Variants in RALB observed in about 807,000 individuals in gnomAD.
RALB encodes ras-related protein Ral-B.
In RALB, 16 loss-of-function variants were observed where a neutral mutation model predicts 21.3. The observed-to-expected ratio is 0.75, with a 90% CI of 0.51 to 1.14. The LOEUF is 1.14. RALB is among the 50% of genes most tolerant of loss of function. The pLI is 0.00. For synonymous variants in RALB, 93 were observed against 96.1 expected, an observed-to-expected ratio of 0.97 and a Z score of 0.19; for missense variants, 161 against 256.2, an observed-to-expected ratio of 0.63 and a Z score of 2.54.
At chr2:120,246,958 G>A (rs972799423) in intron 1 of RALB, among the ~76,000 whole-genome samples, 1 of 152,228 alleles carries the variant, frequency 6.6e-6, no homozygotes, top group South Asian at 2.1e-4. Flanking sequence ...TTCCTGGTAG[G>A]CTGCAAATCA....
intron 1 of RALB, among the ~76,000 whole-genome samples, chr2:120,247,185 C>G (rs907661432): frequency 6.6e-6 from 1 of 152,130 alleles, no homozygotes; most frequent in Non-Finnish European, 1.5e-5. Flanking sequence ...AGAGGACATG[C>G]AGTGGGGATG....
intron 1 of RALB, among the ~76,000 whole-genome samples, chr2:120,269,650 T>A (rs939114355): frequency 6.6e-6 from 1 of 152,172 alleles, no homozygotes; most frequent in Non-Finnish European, 1.5e-5. Flanking sequence ...CATTTTACAA[T>A]CCTCTTGTAA....
At chr2:120,286,133 C>A in intron 3 of RALB, 51 bp downstream of exon 3, 1 of 1,514,126 alleles carries the variant, frequency 6.6e-7, no homozygotes, top group South Asian at 1.1e-5. Flanking sequence ...TTTGCCTTTT[C>A]TCATATGTCT....
chr2:120,281,954 TG>T (rs1690000421), intron 2 of RALB, among the ~76,000 whole-genome samples: 1 of 152,022 alleles, frequency 6.6e-6, no homozygotes, highest in South Asian at 2.1e-4. Context: ...CATCACAGCT[TG>T]GGGGAAGATG....
intron 2 of RALB, among the ~76,000 whole-genome samples, chr2:120,283,434 C>T (rs915255090): frequency 1.3e-5 from 2 of 152,304 alleles, no homozygotes; most frequent in East Asian, 1.9e-4. Flanking sequence ...GTTCATAGTG[C>T]ATGCTTAACC....
chr2:120,289,762 G>C lies in RALB; in HGVS notation c.501+5G>C, dbSNP rs373055897. On this transcript the variant is annotated splice_donor_5th_base_variant and intron_variant, in intron 4 of 4. Coordinates refer to ENST00000272519, the MANE Select transcript of RALB (RefSeq NM_002881.3). ...ACCCGGGCCAACGTGGACAAGGTAG[G>C]CGTGAATTCTGTGTATTTCTCAGAA... 1.9e-6 allele frequency: 3 copies of C among 1,592,438 alleles called. No homozygotes were observed. Among genetic ancestry groups the C allele is most frequent in the Admixed American group, 1.8e-5 (1 of 56,454 alleles).
At chr2:120,245,003 C>G (rs1688948112) in intron 1 of RALB, among the ~76,000 whole-genome samples, 1 of 152,246 alleles carries the variant, frequency 6.6e-6, no homozygotes, top group African/African-American at 2.4e-5. Flanking sequence ...TTCTCTGTCT[C>G]TTTCGTCAGC....
At position 120,293,434 on chromosome 2, in the gene RALB, G is replaced by C. The variant is rs1210891237; in HGVS notation, c.*174G>C. On this transcript the variant is annotated 3_prime_UTR_variant, in exon 5 of 5. Transcript: ENST00000272519. The stretch of plus-strand genomic sequence containing the variant: ...ACTCTGTGGCTGGCAGAAGAAATAA[G>C]CCCATGCAAGTGGAAGGGCTGCTTT... 1.1e-5 allele frequency: 6 copies of C among 558,498 alleles called. No individual in the cohort carries two copies. The highest frequency in any genetic ancestry group is 1.6e-5 in the Non-Finnish European group (6 of 369,546). 34.6% of individuals were successfully genotyped at this position (558,498 alleles called of 1,614,324 possible).
chr2:120,286,614 C>T lies in RALB; in HGVS notation c.323+532C>T, dbSNP rs1323301347. Among the ~76,000 whole-genome samples the T allele has an allele frequency of 2.0e-5, 3 of 152,286 alleles. No homozygotes were observed. In the East Asian group the frequency reaches 5.8e-4, roughly 29 times the overall value. On this transcript the variant is annotated intron_variant, in intron 3 of 4. Coordinates refer to ENST00000272519, the MANE Select transcript of RALB (RefSeq NM_002881.3). ...GACCTGGTTTGAATCCCTGCCTTGCCGCTCACTGACCATGGGCAAGTTTAC... is the reference window on the plus strand; with the variant it reads ...GACCTGGTTTGAATCCCTGCCTTGCTGCTCACTGACCATGGGCAAGTTTAC...
chr2:120,245,754 C>T (rs2104567248), intron 1 of RALB, among the ~76,000 whole-genome samples: 1 of 152,304 alleles, frequency 6.6e-6, no homozygotes, highest in Non-Finnish European at 1.5e-5. Flanking sequence ...AGCCCTGAGC[C>T]CCTGCCTCTG....
At chr2:120,287,867 A>G (rs183675464) in intron 3 of RALB, among the ~76,000 whole-genome samples, 1 of 152,378 alleles carries the variant, frequency 6.6e-6, no homozygotes, top group African/African-American at 2.4e-5. Flanking sequence ...GAACAGAAGA[A>G]TGCAGGTCAA....
intron 2 of RALB, chr2:120,280,831 A>C: frequency 2.3e-6 from 1 of 432,914 alleles, no homozygotes; most frequent in Non-Finnish European, 4.5e-6. Flanking sequence ...TTTATTCTCT[A>C]TAGGAATGTT....
chr2:120,289,716 T>C lies in RALB; in HGVS notation c.460T>C (p.Tyr154His). ...TAAAGCCGAAGAGTGGGGCGTGCAG[T>C]ACGTGGAGACGTCAGCGAAGACCCG... ...RSKAEEWGVQ[Y>H]VETSAKTRAN... The change falls in exon 4 of 5, where the codon TAC (tyrosine) becomes CAC (histidine). Residue 154 changes from tyrosine to histidine, a missense_variant. Tyr to His is a moderately conservative substitution (Grantham distance 83). Coordinates refer to ENST00000272519, the MANE Select transcript of RALB (RefSeq NM_002881.3). 6.2e-7 allele frequency: 1 copy of C among 1,613,572 alleles called. No individual in the cohort carries two copies. The highest frequency in any genetic ancestry group is 8.5e-7 in the Non-Finnish European group (1 of 1,179,770).
intron 2 of RALB, among the ~76,000 whole-genome samples, chr2:120,279,985 C>T (rs763952599): frequency 1.3e-4 from 20 of 152,072 alleles, no homozygotes; most frequent in Non-Finnish European, 2.8e-4. Context: ...CGGCATGTGG[C>T]GATTATCGCT....
chr2:120,289,490 TAGGAAAGC>T, intron 3 of RALB, 82 bp from the exon 4 acceptor site: 1 of 1,361,310 alleles, frequency 7.3e-7, no homozygotes, highest in Non-Finnish European at 1.0e-6. Context: ...CCTTCTGCCT[TAGGAAAGC>T]CTTTTATTTT....
chr2:120,278,718 C>A lies in RALB; in HGVS notation c.54C>A (p.Ile18=). 6.3e-7 allele frequency: 1 copy of A among 1,595,688 alleles called. No homozygotes were observed. The highest frequency in any genetic ancestry group is 8.5e-7 in the Non-Finnish European group (1 of 1,170,234). Residue 18 remains isoleucine, a synonymous_variant, in exon 2 of 5, where the codon ATC becomes ATA. Coordinates refer to ENST00000272519, the MANE Select transcript of RALB (RefSeq NM_002881.3). ...GQSSLALHKV[I]MVGSGGVGKS... ...GCTCCTTGGCCCTCCACAAGGTGAT[C>A]ATGGTTGGCAGCGGAGGCGTTGGCA...
chr2:120,253,231 C>T (rs1422248366), intron 1 of RALB: 2 of 382,544 alleles, frequency 5.2e-6, no homozygotes, highest in Non-Finnish European at 7.2e-6. Flanking sequence ...CGGCCTCCGC[C>T]TCTCCCTTGT....
At chr2:120,282,873 C>T (rs993504207) in intron 2 of RALB, among the ~76,000 whole-genome samples, 1 of 152,092 alleles carries the variant, frequency 6.6e-6, no homozygotes, top group African/African-American at 2.4e-5. Flanking sequence ...CTATACTGTC[C>T]AATACAAGTG....
At chr2:120,285,553 A>G (rs1229414168) in intron 2 of RALB, among the ~76,000 whole-genome samples, 1 of 132,824 alleles carries the variant, frequency 7.5e-6, no homozygotes, top group Non-Finnish European at 1.6e-5. Context: ...TATGTACCCT[A>G]AAACTTAAAG....
Sources: allele counts gnomAD v4.1 joint callset (sites outside exome capture counted in the v4.1 genomes callset), GRCh38; gene constraint gnomAD v4.1.1; transcripts MANE v1.5; gene names NCBI Gene and HGNC (gene_info 2026-07-23, HGNC 2026-07-21).